TCTN3: variants seen among roughly 807,000 people sequenced by gnomAD.
TCTN3 encodes the protein tectonic family member 3.
A neutral mutation model predicts 71.3 loss-of-function variants in TCTN3; 57 were observed. That is an observed-to-expected ratio of 0.80 (90% CI 0.65 to 1.00). The LOEUF is 1.00. Among genes scored for constraint, TCTN3 ranks in the 50% least tolerant of loss-of-function variants. The pLI is 0.00. For missense variants in TCTN3, 696 were observed against 719.9 expected (o/e 0.97, Z 0.38); for synonymous variants, 258 against 267.8 (o/e 0.96, Z 0.36).
chr10:95,675,846 T>C (rs1489636722), intron 13 of TCTN3, among the ~76,000 whole-genome samples: 1 of 152,272 alleles, frequency 6.6e-6, no homozygotes, highest in Admixed American at 6.5e-5. Context: ...TTTCCTAGTA[T>C]GCTGCCTGTT....
chr10:95,677,485 T>TTG (rs1321472530), intron 13 of TCTN3, among the ~76,000 whole-genome samples: 3 of 116,728 alleles, frequency 2.6e-5, no homozygotes, highest in African/African-American at 1.1e-4. Context: ...TTTTTTTTGT[T>TTG]TTTTTTTTTT....
chr10:95,687,187 T>A (rs759041896), intron 5 of TCTN3, 28 bp from the exon 6 acceptor site: 17 of 1,611,016 alleles, frequency 1.1e-5, no homozygotes, highest in Non-Finnish European at 1.4e-5. Context: ...AAGAGAGTGG[T>A]AAATGAGAAA....
chr10:95,688,397 GAAAAAAAAAAAA>G (rs60722894), intron 3 of TCTN3, among the ~76,000 whole-genome samples: 1 of 104,592 alleles, frequency 9.6e-6, no homozygotes, highest in African/African-American at 3.5e-5. Context: ...TCAAAAAAAA[GAAAAAAAAAAAA>G]AAAAAAAAAG....
At chr10:95,671,825 A>G (rs2097931714) in intron 13 of TCTN3, among the ~76,000 whole-genome samples, 1 of 152,090 alleles carries the variant, frequency 6.6e-6, no homozygotes, top group African/African-American at 2.4e-5. Context: ...CAAACTCCCA[A>G]TCTCAGGTGA....
At position 95,693,050 on chromosome 10, in the gene TCTN3, G is replaced by C. The variant is rs2097955078; in HGVS notation, c.381-12C>G. 1.9e-6 allele frequency: 3 copies of C among 1,586,912 alleles called. No individual in the cohort carries two copies. The African/African-American group carries it at 4.0e-5, about 21-fold the overall frequency. ...CCCAGCTTGAAGACCTGTGAGGAAA[G>C]AGGAGGGAGAAGATATATTTAGAAG... On this transcript the variant is annotated splice_polypyrimidine_tract_variant and intron_variant, in intron 2 of 13. Transcript: ENST00000371217.
intron 3 of TCTN3, among the ~76,000 whole-genome samples, chr10:95,692,237 G>A (rs190895285): frequency 2.6e-5 from 4 of 152,206 alleles, no homozygotes; most frequent in Admixed American, 1.3e-4. Context: ...GGCCAGGCGC[G>A]GTGGCTCACA....
chr10:95,687,131 G>C lies in TCTN3; in HGVS notation c.765C>G (p.Cys255Trp). The C allele has an allele frequency of 6.2e-7, 1 of 1,614,134 alleles. No individual in the cohort carries two copies. The highest frequency in any genetic ancestry group is 8.5e-7 in the Non-Finnish European group (1 of 1,179,990). ...TAGCCAGGTTCTTGAAAAAACGAGTGCAAGTTGTACTTTTACTCTCTAGGA... is the reference window on the plus strand; with the variant it reads ...TAGCCAGGTTCTTGAAAAAACGAGTCCAAGTTGTACTTTTACTCTCTAGGA... ...AGFLESKSTT[C>W]TRFFKNLASS... Residue 255 changes from cysteine (C) to tryptophan (W), a missense_variant, in exon 6 of 14, where the codon TGC becomes TGG. By Grantham distance (215) the Cys-to-Trp change is radical (BLOSUM62 -2). Coordinates refer to ENST00000371217, the MANE Select transcript of TCTN3 (RefSeq NM_015631.6).
intron 3 of TCTN3, among the ~76,000 whole-genome samples, chr10:95,690,788 T>C (rs1288487200): frequency 1.3e-5 from 2 of 152,208 alleles, no homozygotes; most frequent in Admixed American, 1.3e-4. Context: ...TGGAAAGATT[T>C]ATCTAGTGAA....
At chr10:95,690,953 G>A (rs936601427) in intron 3 of TCTN3, among the ~76,000 whole-genome samples, 2 of 152,160 alleles carry the variant, frequency 1.3e-5, no homozygotes, top group African/African-American at 4.8e-5. Context: ...GTTCATTGAT[G>A]TAATGAACCA....
intron 13 of TCTN3, among the ~76,000 whole-genome samples, chr10:95,670,712 G>A (rs1413199286): frequency 6.6e-6 from 1 of 151,916 alleles, no homozygotes; most frequent in Admixed American, 6.6e-5. Context: ...GCCCAAGCTG[G>A]AGTGCAGTGG....
chr10:95,692,832 A>G, intron 3 of TCTN3, 88 bp downstream of exon 3: 1 of 978,808 alleles, frequency 1.0e-6, no homozygotes, highest in Non-Finnish European at 1.6e-6. Context: ...GTGGCCCAAG[A>G]CAATTCTTCT....
At chr10:95,691,207 T>C (rs1171971455) in intron 3 of TCTN3, among the ~76,000 whole-genome samples, 1 of 152,190 alleles carries the variant, frequency 6.6e-6, no homozygotes, top group Non-Finnish European at 1.5e-5. Flanking sequence ...CTCGTTCTGT[T>C]ACCCAGGTTG....
chr10:95,692,749 A>G (rs1271376104), intron 3 of TCTN3, 171 bp downstream of exon 3: 23 of 588,944 alleles, frequency 3.9e-5, no homozygotes, highest in Non-Finnish European at 6.0e-5. Context: ...CTTTCTTAAA[A>G]CATTTGACAT....
chr10:95,693,697 G>C lies in TCTN3; in HGVS notation c.203C>G (p.Pro68Arg). ...PAVPGLPTVVPTLVTPSAPGN... is the reference protein window; with the variant it reads ...PAVPGLPTVVRTLVTPSAPGN... ...AGGGGCCGAGGGAGTCACGAGAGTA[G>C]GGACCACTGTAGGGAGTCCAGGCAC... The change falls in exon 1 of 14, where the codon CCT becomes CGT. Residue 68 changes from proline (P) to arginine (R), a missense_variant. Transcript: ENST00000371217. The C allele has an allele frequency of 6.4e-7, 1 of 1,551,728 alleles. No homozygotes were observed. Among genetic ancestry groups the C allele is most frequent in the Non-Finnish European group, 8.7e-7 (1 of 1,147,012 alleles).
chr10:95,682,176 G>C lies in TCTN3; in HGVS notation c.1452+475C>G, dbSNP rs188417350. Among the ~76,000 whole-genome samples the C allele has an allele frequency of 7.2e-3, 1,066 of 148,522 alleles. 5 individuals carry two copies. The highest frequency in any genetic ancestry group is 0.011 in the Non-Finnish European group (708 of 67,276). On this transcript the variant is annotated intron_variant, in intron 12 of 13. Transcript: ENST00000371217. The stretch of plus-strand genomic sequence containing the variant: ...TGCCACTGCACTCCAGCCTAGGTAA[G>C]AGTTCAAGATCTTGACTTAGAAAAA...
intron 13 of TCTN3, among the ~76,000 whole-genome samples, chr10:95,670,689 G>T (rs917284514): frequency 2.6e-5 from 4 of 151,226 alleles, no homozygotes; most frequent in South Asian, 2.1e-4. Context: ...TTGAAACAGG[G>T]TCTCACTCTG....
At chr10:95,693,232 G>T in intron 2 of TCTN3, 121 bp downstream of exon 2, 1 of 1,451,906 alleles carries the variant, frequency 6.9e-7, no homozygotes. Context: ...AAAAACCAAG[G>T]GAATGTCCTA....
chr10:95,677,473 A>ACAG (rs57706369), intron 13 of TCTN3, among the ~76,000 whole-genome samples: 43 of 24,112 alleles, frequency 1.8e-3, no homozygotes, highest in Non-Finnish European at 3.8e-3. Context: ...TGAAGTCTAC[A>ACAG]GTTTTTTTTG....
At chr10:95,672,297 T>G (rs2097932439) in intron 13 of TCTN3, among the ~76,000 whole-genome samples, 1 of 152,152 alleles carries the variant, frequency 6.6e-6, no homozygotes, top group Non-Finnish European at 1.5e-5. Flanking sequence ...AATTTGCCCA[T>G]TCTCCTCAAG....
Sources: gnomAD v4.1 joint callset for allele counts (sites outside exome capture counted in the v4.1 genomes callset) on GRCh38, gnomAD v4.1.1 for gene constraint, MANE v1.5 for transcripts, NCBI Gene and HGNC (gene_info 2026-07-23, HGNC 2026-07-21) for gene names.